Variants in GART observed in about 807,000 individuals in gnomAD.
GART encodes the protein phosphoribosylglycinamide formyltransferase, phosphoribosylglycinamide synthetase, phosphoribosylaminoimidazole synthetase.
In GART, 43 loss-of-function variants were observed where a neutral mutation model predicts 107.2. The ratio of observed to expected loss-of-function variants is 0.40; its 90% confidence interval spans 0.31 to 0.52. The LOEUF (loss-of-function observed/expected upper bound fraction) is 0.52. Among genes scored for constraint, GART ranks in the 20% least tolerant of loss-of-function variants. The pLI, the probability that GART is intolerant of heterozygous loss-of-function variation, is 0.52. For synonymous variants in GART, 434 were observed against 427.0 expected, an observed-to-expected ratio of 1.02 and a Z score of -0.20; for missense variants, 1,107 against 1,206.5, an observed-to-expected ratio of 0.92 and a Z score of 1.22.
At chr21:33,517,204 C>A in intron 15 of GART, 63 bp from the exon 16 acceptor site, 1 of 1,563,258 alleles carries the variant, frequency 6.4e-7, no homozygotes, top group South Asian at 1.2e-5. Context: ...ACATAAAAAT[C>A]AACCTGGAGA....
At chr21:33,537,139 T>C (rs935829574) in intron 2 of GART, among the ~76,000 whole-genome samples, 7 of 152,180 alleles carry the variant, frequency 4.6e-5, no homozygotes, top group Non-Finnish European at 1.0e-4. Context: ...GTCTCTTTAG[T>C]AGTCTTACAA....
At chr21:33,511,868 G>C (rs2084791161) in intron 16 of GART, among the ~76,000 whole-genome samples, 2 of 152,104 alleles carry the variant, frequency 1.3e-5, no homozygotes, top group Non-Finnish European at 2.9e-5. Flanking sequence ...TACATATTTA[G>C]AGAAAATGCA....
rs1294644093 is a variant in GART, at chr21:33,511,327, C to T, written c.2239G>A (p.Glu747Lys). The change falls in exon 17 of 22, where the codon GAG becomes AAG. Residue 747 changes from glutamate to lysine, a missense_variant. Coordinates refer to ENST00000381815, the MANE Select transcript of GART (RefSeq NM_000819.5). The stretch of plus-strand genomic sequence containing the variant: ...TGCTGGATATCCCTCAGAATCTGCT[C>T]TGTCTGCTCCTTTGATACCACAAGG... The part of the protein sequence containing the change: ...AVLVVSKEQT[E>K]QILRDIQQHK... 1.2e-6 allele frequency: 2 copies of T among 1,614,214 alleles called. No individual in the cohort carries two copies. Among genetic ancestry groups the T allele is most frequent in the Non-Finnish European group, 8.5e-7 (1 of 1,180,044 alleles).
intron 2 of GART, among the ~76,000 whole-genome samples, chr21:33,538,139 G>C (rs1569037686): frequency 6.6e-6 from 1 of 151,104 alleles, no homozygotes; most frequent in African/African-American, 2.4e-5. Flanking sequence ...AGCTACTCGG[G>C]AGGCTGAGGC....
intron 11 of GART, among the ~76,000 whole-genome samples, chr21:33,523,100 A>G (rs1039319107): frequency 6.6e-6 from 1 of 152,230 alleles, no homozygotes; most frequent in South Asian, 2.1e-4. Context: ...GGAGCAGTAC[A>G]TTTAGAGATC....
At chr21:33,530,988 G>T in intron 6 of GART, 104 bp from the exon 7 acceptor site, 47 of 1,004,356 alleles carry the variant, frequency 4.7e-5, no homozygotes, top group Non-Finnish European at 4.6e-5. Context: ...TTGAGGAAAA[G>T]TTTGTTTTTT....
rs879547138 is a variant in GART at position 33,513,113 on chromosome 21, G to C, written c.2108-1655C>G. 5.6e-3 allele frequency among the ~76,000 whole-genome samples: 785 copies of C among 141,340 alleles called. 4 individuals carry two copies. Among genetic ancestry groups the C allele is most frequent in the Non-Finnish European group, 7.6e-3 (502 of 65,982 alleles). 92.7% of individuals were successfully genotyped at this position (141,340 alleles called of 152,430 possible). A position where few individuals can be genotyped will look rare whatever the true frequency, so the allele number is the denominator to read the frequency against. The stretch of plus-strand genomic sequence containing the variant: ...TGTGTGTGTGTGTGTCTCTGTGTGT[G>C]TGTGTGTGTGTGTGTGTGTGTGTGT... On this transcript the variant is annotated intron_variant, in intron 16 of 21. Coordinates refer to ENST00000381815, the MANE Select transcript of GART (RefSeq NM_000819.5).
intron 6 of GART, 119 bp downstream of exon 6, chr21:33,531,370 A>C: frequency 1.2e-6 from 1 of 826,692 alleles, no homozygotes; most frequent in Non-Finnish European, 2.0e-6. Flanking sequence ...TTCCTTTGTA[A>C]CTGCTGGGTT....
chr21:33,528,043 C>T, intron 10 of GART, 124 bp downstream of exon 10: 1 of 811,734 alleles, frequency 1.2e-6, no homozygotes, highest in Admixed American at 2.1e-5. Flanking sequence ...TGGTTAAGAC[C>T]CTCTGAAAGG....
intron 2 of GART, among the ~76,000 whole-genome samples, chr21:33,536,231 GT>G (rs2145761765): frequency 6.6e-6 from 1 of 152,292 alleles, no homozygotes; most frequent in East Asian, 1.9e-4. Flanking sequence ...AGCTGTTTAA[GT>G]TAAGAACTCA....
intron 10 of GART, 84 bp from the exon 11 acceptor site, chr21:33,525,084 CT>C (rs35083461): frequency 0.19 from 223,537 of 1,195,962 alleles, 3 homozygotes; most frequent in East Asian, 0.25. Flanking sequence ...CCACAAGTTT[CT>C]TTTTTTTTTT....
chr21:33,508,580 C>CTG (rs2084727238), intron 18 of GART, among the ~76,000 whole-genome samples: 2 of 137,760 alleles, frequency 1.5e-5, no homozygotes, highest in Non-Finnish European at 3.0e-5. Context: ...TACAGTGGTG[C>CTG]AATCTCAGCT....
chr21:33,509,973 G>T, intron 17 of GART, 53 bp from the exon 18 acceptor site: 5 of 1,490,404 alleles, frequency 3.4e-6, no homozygotes, highest in Non-Finnish European at 4.6e-6. Flanking sequence ...GAATTAACAA[G>T]AATAATGGAA....
chr21:33,517,287 A>T, intron 15 of GART, 70 bp downstream of exon 15: 1 of 1,590,546 alleles, frequency 6.3e-7, no homozygotes, highest in Non-Finnish European at 8.6e-7. Flanking sequence ...CTAAGTAATC[A>T]GAGACTAAAA....
chr21:33,531,810 C>T, intron 5 of GART: 1 of 421,002 alleles, frequency 2.4e-6, no homozygotes, highest in South Asian at 5.1e-5. Flanking sequence ...TTTGGTGATC[C>T]AGTTTCAAAT....
Position 33,533,923 on chromosome 21 carries a change from G to T in GART, c.416+656C>A, listed in dbSNP as rs373693357. ...CCGTCTCAGGTTGGGGGGTGGTGGTGGGGGGCGGGGAACCAAAAACCAAAA... is the reference window on the plus strand; with the variant it reads ...CCGTCTCAGGTTGGGGGGTGGTGGTTGGGGGCGGGGAACCAAAAACCAAAA... On this transcript the variant is annotated intron_variant, in intron 4 of 21. Transcript: ENST00000381815. Among the ~76,000 whole-genome samples, 3 of 151,786 alleles carry T rather than the reference G, an allele frequency of 2.0e-5. No homozygotes were observed. In the East Asian group the frequency reaches 5.8e-4, roughly 29 times the overall value.
chr21:33,528,962 A>C, intron 7 of GART, 25 bp from the exon 8 acceptor site: 1 of 1,481,180 alleles, frequency 6.8e-7, no homozygotes, highest in Non-Finnish European at 9.4e-7. Flanking sequence ...GAAACAGTTA[A>C]ATGTAACAGG....
At chr21:33,521,570 TGCA>T (rs2084973598) in intron 12 of GART, among the ~76,000 whole-genome samples, 1 of 148,118 alleles carries the variant, frequency 6.8e-6, no homozygotes, top group Non-Finnish European at 1.5e-5. Flanking sequence ...AGGCAGAGCT[TGCA>T]GCTAGCCGAA....
At chr21:33,524,617 G>T in intron 11 of GART, 152 bp downstream of exon 11, 3 of 1,425,972 alleles carry the variant, frequency 2.1e-6, no homozygotes, top group East Asian at 2.5e-5. Flanking sequence ...GCTATAACCA[G>T]TTTTGATTCA....
Sources: gnomAD v4.1 joint callset for allele counts (sites outside exome capture counted in the v4.1 genomes callset) on GRCh38, gnomAD v4.1.1 for gene constraint, MANE v1.5 for transcripts, NCBI Gene and HGNC (gene_info 2026-07-23, HGNC 2026-07-21) for gene names.